The following ATP2C1 variants were observed in gnomAD, a reference collection of about 807,000 sequenced individuals.
ATP2C1 encodes ATPase secretory pathway Ca2+ transporting 1.
Under a neutral mutation model 120.5 loss-of-function variants are expected in ATP2C1, and 31 were observed. The observed-to-expected ratio is 0.26, with a 90% CI of 0.19 to 0.35. The LOEUF is 0.35. Ranked by LOEUF, ATP2C1 falls within the 10% of genes least tolerant of loss-of-function variation. The pLI is 1.00. For synonymous variants in ATP2C1, 351 were observed against 358.7 expected (o/e 0.98, Z 0.24); for missense variants, 731 against 1,107.5 (o/e 0.66, Z 4.83).
rs559148248 is a variant in ATP2C1 at position 130,880,836 on chromosome 3, C to T, written c.108+29908C>T. 6.6e-5 allele frequency among the ~76,000 whole-genome samples: 10 copies of T among 152,312 alleles called. 1 individual carries two copies. In the South Asian group the frequency reaches 2.1e-3, roughly 32 times the overall value. On this transcript the variant is annotated intron_variant, in intron 1 of 26. Coordinates refer to the ATP2C1 transcript ENST00000504381. ...AAGCCTTGGGGCTGTTTATCTCACT[C>T]TCCAATTTATTATCATAATGGCATT...
chr3:131,006,192 A>G (rs958818495), downstream of ATP2C1, among the ~76,000 whole-genome samples: 1 of 152,128 alleles, frequency 6.6e-6, no homozygotes, highest in East Asian at 1.9e-4. Context: ...GCTCACTGCA[A>G]CCTTTGCTTC....
intron 14 of ATP2C1, among the ~76,000 whole-genome samples, chr3:130,966,021 C>T (rs1243871285): frequency 6.6e-6 from 1 of 152,158 alleles, no homozygotes; most frequent in East Asian, 1.9e-4. Flanking sequence ...CAGGTCTAAT[C>T]CTACTCAGTC....
At chr3:130,935,809 A>T (rs2059644280) in intron 5 of ATP2C1, among the ~76,000 whole-genome samples, 1 of 152,206 alleles carries the variant, frequency 6.6e-6, no homozygotes, top group Non-Finnish European at 1.5e-5. Flanking sequence ...AATTTTATTA[A>T]ATCTGGACCC....
At chr3:130,965,252 A>G (rs187858686) in intron 14 of ATP2C1, among the ~76,000 whole-genome samples, 1 of 152,070 alleles carries the variant, frequency 6.6e-6, no homozygotes. Context: ...CCTCCTTGAC[A>G]TCTCTCTTTC....
At chr3:130,924,012 T>C (rs2059088560) in intron 2 of ATP2C1, among the ~76,000 whole-genome samples, 4 of 152,308 alleles carry the variant, frequency 2.6e-5, no homozygotes, top group Middle Eastern at 3.4e-3. Flanking sequence ...TTCGTGGATT[T>C]TTATCCATTC....
At position 130,956,093 on chromosome 3, in the gene ATP2C1, A is replaced by G; in HGVS notation, c.757-11A>G. The G allele has an allele frequency of 6.3e-7, 1 of 1,591,264 alleles. No individual in the cohort carries two copies. Among genetic ancestry groups the G allele is most frequent in the Middle Eastern group, 1.7e-4 (1 of 6,000 alleles). Reference sequence around the variant, plus strand: ...GCTAATTGTGGTGACACTCTTCTTCAATTTATCAAGGCACCAAAAACCCCT... The same window carrying G: ...GCTAATTGTGGTGACACTCTTCTTCGATTTATCAAGGCACCAAAAACCCCT... On this transcript the variant is annotated splice_polypyrimidine_tract_variant and intron_variant, in intron 10 of 27. Coordinates refer to ENST00000510168, the MANE Select transcript of ATP2C1 (RefSeq NM_001378687.1).
At chr3:130,949,412 G>A (rs925932689) in intron 8 of ATP2C1, among the ~76,000 whole-genome samples, 8 of 152,122 alleles carry the variant, frequency 5.3e-5, no homozygotes, top group South Asian at 4.1e-4. Context: ...TGTGAAGGCC[G>A]AGAGAAGTGA....
rs578206597 is a variant in ATP2C1, at chr3:130,925,324, C to A, written c.7-5092C>A. On this transcript the variant is annotated intron_variant, in intron 2 of 27. Transcript: ENST00000510168. ...GGAATGGGGCTTCCTGAGTGCCAAA[C>A]TGTAGTGATTGTTTTTGCTCTTCTG... Among the ~76,000 whole-genome samples, 229 of 152,244 alleles carry A rather than the reference C, an allele frequency of 1.5e-3. 2 individuals are homozygous for A. Among genetic ancestry groups the A allele is most frequent in the African/African-American group, 5.1e-3 (213 of 41,538 alleles).
chr3:130,995,744 G>A lies in ATP2C1; in HGVS notation c.2058-299G>A, dbSNP rs112776502. Reference sequence around the variant, plus strand: ...CAACCTCCGCCTCCCGGGTTTAAGCGATTCTCCTGCCTCAGCCTCCCGAGT... The same window carrying A: ...CAACCTCCGCCTCCCGGGTTTAAGCAATTCTCCTGCCTCAGCCTCCCGAGT... On this transcript the variant is annotated intron_variant, in intron 22 of 27. Transcript: ENST00000510168. Among the ~76,000 whole-genome samples the A allele has an allele frequency of 1.8e-3, 279 of 152,234 alleles. 1 individual carries two copies. The highest frequency in any genetic ancestry group is 6.4e-3 in the African/African-American group (267 of 41,536).
chr3:130,972,721 T>G (rs1039110233), intron 17 of ATP2C1, among the ~76,000 whole-genome samples: 3 of 150,124 alleles, frequency 2.0e-5, no homozygotes, highest in Non-Finnish European at 3.0e-5. Context: ...GGTGTTTGGT[T>G]TTTTGTCCTT....
chr3:130,850,790 T>C (rs943722966), exon 1 of ATP2C1: 8 of 1,101,356 alleles, frequency 7.3e-6, no homozygotes, highest in Admixed American at 3.1e-5. Context: ...GACAAGGAGG[T>C]GCAGACAAGG....
At chr3:131,013,618 G>C (rs1304957153) in intron 26 of ATP2C1, among the ~76,000 whole-genome samples, 1 of 152,188 alleles carries the variant, frequency 6.6e-6, no homozygotes, top group Non-Finnish European at 1.5e-5. Flanking sequence ...ACAGTTTTCT[G>C]TCTGGCATCC....
At chr3:130,962,724 A>G (rs2060876425) in intron 12 of ATP2C1, among the ~76,000 whole-genome samples, 3 of 150,608 alleles carry the variant, frequency 2.0e-5, no homozygotes, top group East Asian at 1.9e-4. Flanking sequence ...TTAAAAAAAA[A>G]AAAAAAAAGA....
downstream of ATP2C1, among the ~76,000 whole-genome samples, chr3:131,007,956 T>C (rs189238949): frequency 5.2e-5 from 8 of 152,394 alleles, no homozygotes; most frequent in Admixed American, 2.0e-4. Flanking sequence ...TTTTAATTCC[T>C]ATTCCTGTCT....
chr3:130,850,683 G>C, exon 1 of ATP2C1: 1 of 464,592 alleles, frequency 2.2e-6, no homozygotes, highest in Non-Finnish European at 3.8e-6. Flanking sequence ...ACAGCAAGGA[G>C]AACATTTGCT....
At chr3:130,887,787 T>C (rs916211190) in intron 1 of ATP2C1, among the ~76,000 whole-genome samples, 1 of 152,182 alleles carries the variant, frequency 6.6e-6, no homozygotes, top group African/African-American at 2.4e-5. Flanking sequence ...AGGCCTGGGA[T>C]TGGGGACTTC....
At chr3:130,924,422 G>A (rs1318068636) in intron 2 of ATP2C1, among the ~76,000 whole-genome samples, 1 of 152,130 alleles carries the variant, frequency 6.6e-6, no homozygotes, top group Non-Finnish European at 1.5e-5. Context: ...CTAGCTTGTA[G>A]GGTTTCTGCT....
At chr3:130,969,763 A>C (rs1439837265) in intron 17 of ATP2C1, among the ~76,000 whole-genome samples, 1 of 152,196 alleles carries the variant, frequency 6.6e-6, no homozygotes, top group Non-Finnish European at 1.5e-5. Flanking sequence ...TCTTTCACTG[A>C]AGGAATGTCT....
At chr3:130,871,764 A>G (rs1311119202) in intron 1 of ATP2C1, among the ~76,000 whole-genome samples, 1 of 152,164 alleles carries the variant, frequency 6.6e-6, no homozygotes, top group Non-Finnish European at 1.5e-5. Flanking sequence ...GCTCACCCCT[A>G]TAATCCCAAA....
Sources: allele counts gnomAD v4.1 joint callset (sites outside exome capture counted in the v4.1 genomes callset), GRCh38; gene constraint gnomAD v4.1.1; transcripts MANE v1.5; gene names NCBI Gene and HGNC (gene_info 2026-07-23, HGNC 2026-07-21).